Variants in WNT5B observed in about 807,000 individuals in gnomAD.
The protein encoded by WNT5B is protein Wnt-5b.
Under a neutral mutation model 36.5 loss-of-function variants are expected in WNT5B, and 18 were observed. The observed-to-expected ratio is 0.49, with a 90% CI of 0.34 to 0.73. The LOEUF (loss-of-function observed/expected upper bound fraction) is 0.73. Among genes scored for constraint, WNT5B ranks in the 30% least tolerant of loss-of-function variants. The probability of loss-of-function intolerance (pLI) is 0.01; values close to 1 mark genes in which losing one functional copy is unlikely to be tolerated. For synonymous variants in WNT5B, 213 were observed against 212.3 expected (o/e 1.00, Z -0.03); for missense variants, 424 against 508.4 (o/e 0.83, Z 1.60).
At chr12:1,628,303 G>A (rs2094544052), upstream of WNT5B, among the ~76,000 whole-genome samples, 1 of 152,076 alleles carries the variant, frequency 6.6e-6, no homozygotes, top group Non-Finnish European at 1.5e-5. Context: ...CTGCAGGCAT[G>A]TGCCACCACA....
chr12:1,632,174 C>A lies in WNT5B; in HGVS notation c.81-484C>A, dbSNP rs937078010. On this transcript the variant is annotated intron_variant, in intron 2 of 4. Transcript: ENST00000397196. The surrounding 1 kb of genome is among the most constrained non-coding windows in gnomAD (Gnocchi z 5.8). Reference sequence around the variant, plus strand: ...ACCACGCAAAGGATTGATTGCTTTCCATGGCTTATCATGTACTTGGGCTGC... The same window carrying A: ...ACCACGCAAAGGATTGATTGCTTTCAATGGCTTATCATGTACTTGGGCTGC... Among the ~76,000 whole-genome samples the A allele has an allele frequency of 6.6e-5, 10 of 152,192 alleles. No individual in the cohort carries two copies. Among genetic ancestry groups the A allele is most frequent in the Non-Finnish European group, 2.9e-5 (2 of 68,036 alleles).
upstream of WNT5B, among the ~76,000 whole-genome samples, chr12:1,624,919 A>G (rs548382368): frequency 9.7e-4 from 147 of 152,160 alleles, no homozygotes; most frequent in African/African-American, 3.3e-3. Context: ...TCAACCCATG[A>G]GAATGAGATT....
chr12:1,645,801 A>G lies in WNT5B; in HGVS notation c.629A>G (p.Tyr210Cys), dbSNP rs2094584188. 1 of 1,583,170 alleles carries G rather than the reference A, an allele frequency of 6.3e-7. No individual in the cohort carries two copies. The highest frequency in any genetic ancestry group is 1.3e-5 in the African/African-American group (1 of 74,358). Residue 210 changes from tyrosine to cysteine, a missense_variant, in exon 5 of 5, where the codon TAT becomes TGT. Physicochemically the swap from Tyr to Cys is radical, Grantham distance 194 (BLOSUM62 -2). Coordinates refer to ENST00000397196, the MANE Select transcript of WNT5B (RefSeq NM_032642.3). ...QNNEAGRRAV[Y>C]KMADVACKCH... ...TTCTTTCTCTTCCCCTAGGCTGTGTATAAGATGGCAGACGTAGCCTGCAAA... is the reference window on the plus strand; with the variant it reads ...TTCTTTCTCTTCCCCTAGGCTGTGTGTAAGATGGCAGACGTAGCCTGCAAA...
At chr12:1,634,784 A>G (rs1163615596) in intron 3 of WNT5B, among the ~76,000 whole-genome samples, 1 of 152,162 alleles carries the variant, frequency 6.6e-6, no homozygotes, top group Non-Finnish European at 1.5e-5. Flanking sequence ...GTCGGTCACC[A>G]GAGGGCGGCA....
intron 3 of WNT5B, among the ~76,000 whole-genome samples, chr12:1,634,866 A>G (rs901926924): frequency 3.3e-5 from 5 of 152,186 alleles, no homozygotes; most frequent in Non-Finnish European, 5.9e-5. Flanking sequence ...TTGGGCTGCT[A>G]TGGAACAGAG....
chr12:1,626,812 G>T (rs778850916), upstream of WNT5B, among the ~76,000 whole-genome samples: 17 of 152,068 alleles, frequency 1.1e-4, 1 homozygote, highest in Admixed American at 3.3e-4. Flanking sequence ...TGATCTGCCC[G>T]CCTCGGCCTC....
At chr12:1,643,454 T>C (rs113930660) in intron 4 of WNT5B, among the ~76,000 whole-genome samples, 3,354 of 152,200 alleles carry the variant, frequency 0.022, 97 homozygotes, top group African/African-American at 0.069. Flanking sequence ...AAACCTCTGC[T>C]TCCCAGGTTC....
chr12:1,631,351 G>T lies in WNT5B; in HGVS notation c.-4G>T, dbSNP rs936609771. On this transcript the variant is annotated 5_prime_UTR_variant, in exon 2 of 5. Transcript: ENST00000397196. ...CAGGGCACTGGGGAGGGCTGAGGCC[G>T]ACCATGCCCAGCCTGCTGCTGCTGT... is the stretch of plus-strand genomic sequence containing the variant. 2.5e-6 allele frequency: 4 copies of T among 1,614,066 alleles called. No homozygotes were observed. In the South Asian group the frequency reaches 3.3e-5, roughly 13 times the overall value.
rs1000028294 is a variant in WNT5B, at chr12:1,618,684, A to G, written c.-58+1541A>G. 6.6e-5 allele frequency among the ~76,000 whole-genome samples: 10 copies of G among 152,196 alleles called. No homozygotes were observed. Among genetic ancestry groups the G allele is most frequent in the African/African-American group, 2.4e-4 (10 of 41,442 alleles). Reference sequence around the variant, plus strand: ...ATCATCTGCACAGAATAAGACTTCCAGTGGACTTTTGCTTGATACCTGGGG... The same window carrying G: ...ATCATCTGCACAGAATAAGACTTCCGGTGGACTTTTGCTTGATACCTGGGG... On this transcript the variant is annotated intron_variant, in intron 1 of 4. Coordinates refer to the WNT5B transcript ENST00000310594. The surrounding 1 kb of genome is among the most constrained non-coding windows in gnomAD (Gnocchi z 4.1).
At chr12:1,640,192 C>T (rs1052840010) in intron 4 of WNT5B, among the ~76,000 whole-genome samples, 2 of 152,144 alleles carry the variant, frequency 1.3e-5, no homozygotes, top group African/African-American at 2.4e-5. Context: ...CTTTTCTTTT[C>T]TTCTTTTCTT....
intron 3 of WNT5B, among the ~76,000 whole-genome samples, chr12:1,636,737 T>C (rs1320352354): frequency 6.6e-6 from 1 of 151,536 alleles, no homozygotes; most frequent in Non-Finnish European, 1.5e-5. Flanking sequence ...TGTTTTGAGA[T>C]GGAGTTTTAC....
chr12:1,619,749 G>A (rs1005599262), intron 1 of WNT5B, among the ~76,000 whole-genome samples: 2 of 151,992 alleles, frequency 1.3e-5, no homozygotes, highest in Non-Finnish European at 2.9e-5. Context: ...CTGGCGTAGC[G>A]GCTGCCATTC....
At chr12:1,629,204 G>A (rs1220879672), upstream of WNT5B, 1 of 152,232 alleles carries the variant, frequency 6.6e-6, no homozygotes, top group Non-Finnish European at 1.5e-5. Context: ...TCTGGCTCTA[G>A]TTACCGTGTC....
chr12:1,640,087 A>G, intron 4 of WNT5B, 111 bp downstream of exon 4: 1 of 1,303,080 alleles, frequency 7.7e-7, no homozygotes. Context: ...TCTGACCGTG[A>G]AGATTCTTAC....
intron 4 of WNT5B, among the ~76,000 whole-genome samples, chr12:1,640,507 A>G (rs2094573036): frequency 6.6e-6 from 1 of 152,222 alleles, no homozygotes; most frequent in South Asian, 2.1e-4. Flanking sequence ...TTTAGACATA[A>G]GTGGAAGTGT....
rs2094555417 is a variant in WNT5B at position 1,633,775 on chromosome 12, C to T, written c.328+870C>T. Among the ~76,000 whole-genome samples, 1 of 152,140 alleles carries T rather than the reference C, an allele frequency of 6.6e-6. No individual in the cohort carries two copies. Among genetic ancestry groups the T allele is most frequent in the Non-Finnish European group, 1.5e-5 (1 of 68,036 alleles). On this transcript the variant is annotated intron_variant, in intron 3 of 4. Coordinates refer to ENST00000397196, the MANE Select transcript of WNT5B (RefSeq NM_032642.3). The surrounding 1 kb of genome is among the most constrained non-coding windows in gnomAD (Gnocchi z 4.8). ...AGGTTACCTGAGGCTGGAGTTTCCCCAGAGAGGGATTTCAGCCTGGGAGGG... is the reference window on the plus strand; with the variant it reads ...AGGTTACCTGAGGCTGGAGTTTCCCTAGAGAGGGATTTCAGCCTGGGAGGG...
chr12:1,636,184 A>G (rs371249627), intron 3 of WNT5B, among the ~76,000 whole-genome samples: 1 of 152,144 alleles, frequency 6.6e-6, no homozygotes, highest in South Asian at 2.1e-4. Context: ...ATTGAGATAC[A>G]TAACTCCCAT....
chr12:1,624,868 A>G (rs964481815), upstream of WNT5B, among the ~76,000 whole-genome samples: 2 of 152,052 alleles, frequency 1.3e-5, no homozygotes, highest in East Asian at 1.9e-4. Context: ...GACCAGATAC[A>G]TGGATTCATA....
At chr12:1,623,048 G>C (rs2094535969) in intron 1 of WNT5B, among the ~76,000 whole-genome samples, 1 of 152,088 alleles carries the variant, frequency 6.6e-6, no homozygotes, top group South Asian at 2.1e-4. Context: ...TCAGGAGTTT[G>C]GGGTTCTAAA....
Sources: gnomAD v4.1 joint callset for allele counts (sites outside exome capture counted in the v4.1 genomes callset) on GRCh38, gnomAD v4.1.1 for gene constraint, Gnocchi (gnomAD v3.1) non-coding constraint, MANE v1.5 for transcripts, NCBI Gene and HGNC (gene_info 2026-07-23, HGNC 2026-07-21) for gene names.